The following PTPRN2 variants were observed in gnomAD, a reference collection of about 807,000 sequenced individuals.
PTPRN2 encodes the protein receptor-type tyrosine-protein phosphatase N2.
In PTPRN2, 74 loss-of-function variants were observed where a neutral mutation model predicts 118.8. The observed-to-expected ratio is 0.62, with a 90% CI of 0.52 to 0.76. PTPRN2 has a LOEUF of 0.76. PTPRN2 is among the 30% of genes least tolerant of loss of function. The probability of loss-of-function intolerance (pLI) is 0.00; values close to 1 mark genes in which losing one functional copy is unlikely to be tolerated. For synonymous variants in PTPRN2, 641 were observed against 608.0 expected (o/e 1.05, Z -0.80); for missense variants, 1,481 against 1,394.4 (o/e 1.06, Z -0.99).
intron 2 of PTPRN2, among the ~76,000 whole-genome samples, chr7:158,460,212 G>T (rs1350315299): frequency 8.0e-6 from 1 of 124,350 alleles, no homozygotes; most frequent in Non-Finnish European, 1.7e-5. Flanking sequence ...TGCAGGATGG[G>T]ACTCTATCTA....
chr7:157,725,233 G>C (rs1185831448), intron 12 of PTPRN2, among the ~76,000 whole-genome samples: 2 of 141,946 alleles, frequency 1.4e-5, no homozygotes, highest in Non-Finnish European at 3.0e-5. Flanking sequence ...CCTCCCAGGA[G>C]AACTGGATAT....
chr7:158,261,598 C>T (rs115292421), intron 3 of PTPRN2, among the ~76,000 whole-genome samples: 1 of 152,092 alleles, frequency 6.6e-6, no homozygotes, highest in Non-Finnish European at 1.5e-5. Flanking sequence ...CCATCCTGAG[C>T]CAGAATGTGG....
chr7:157,792,607 T>C (rs1804585082), intron 12 of PTPRN2, among the ~76,000 whole-genome samples: 2 of 152,328 alleles, frequency 1.3e-5, no homozygotes, highest in South Asian at 4.1e-4. Flanking sequence ...CAGTAGGACC[T>C]TGGGGAAGCT....
chr7:158,253,361 G>A (rs894995617), intron 3 of PTPRN2, among the ~76,000 whole-genome samples: 4 of 152,312 alleles, frequency 2.6e-5, no homozygotes, highest in African/African-American at 9.6e-5. Flanking sequence ...ATACACTTTC[G>A]CGTGTTTCTT....
intron 12 of PTPRN2, among the ~76,000 whole-genome samples, chr7:157,858,960 CT>C (rs1361502792): frequency 3.0e-3 from 3 of 998 alleles, no homozygotes. Flanking sequence ...CAGGGAGAGC[CT>C]CCCAGCCACC....
intron 11 of PTPRN2, among the ~76,000 whole-genome samples, chr7:158,004,606 C>T (rs1312830877): frequency 6.6e-6 from 1 of 152,188 alleles, no homozygotes; most frequent in African/African-American, 2.4e-5. Context: ...GTTTCATTTT[C>T]AGGATCTGAT....
intron 3 of PTPRN2, among the ~76,000 whole-genome samples, chr7:158,245,656 C>T (rs1796199030): frequency 6.6e-6 from 1 of 152,130 alleles, no homozygotes; most frequent in South Asian, 2.1e-4. Flanking sequence ...GGCAACTCTG[C>T]ACATCCAAAT....
intron 5 of PTPRN2, among the ~76,000 whole-genome samples, chr7:158,167,541 A>C (rs1260418287): frequency 6.6e-6 from 1 of 152,208 alleles, no homozygotes; most frequent in Non-Finnish European, 1.5e-5. Flanking sequence ...ATTATTTTTA[A>C]TATCAGCTTT....
chr7:158,242,505 G>T (rs2150859657), intron 3 of PTPRN2, among the ~76,000 whole-genome samples: 1 of 152,312 alleles, frequency 6.6e-6, no homozygotes, highest in African/African-American at 2.4e-5. Flanking sequence ...TCTTTCCCTG[G>T]AGTGTTTGTC....
chr7:158,244,561 T>TC, intron 3 of PTPRN2, among the ~76,000 whole-genome samples: 1 of 152,058 alleles, frequency 6.6e-6, no homozygotes, highest in African/African-American at 2.4e-5. Flanking sequence ...GTGTGTGTTT[T>TC]GTGTGAAAAT....
rs1800934434 is a variant in PTPRN2 at position 157,590,654 on chromosome 7, G to T, written c.2496+4584C>A. The stretch of plus-strand genomic sequence containing the variant: ...GAGGTGCTGTGGGCCCTGCGGGACG[G>T]GGAGCTGATGGGGCCTCGCGGTGCC... On this transcript the variant is annotated intron_variant, in intron 17 of 22. Coordinates refer to ENST00000389418, the MANE Select transcript of PTPRN2 (RefSeq NM_002847.5). The surrounding 1 kb of genome is among the most constrained non-coding windows in gnomAD (Gnocchi z 4.0). Among the ~76,000 whole-genome samples the T allele has an allele frequency of 6.6e-6, 1 of 151,562 alleles. No homozygotes were observed. Among genetic ancestry groups the T allele is most frequent in the African/African-American group, 2.4e-5 (1 of 41,438 alleles).
chr7:158,104,248 G>C (rs1563439506), intron 10 of PTPRN2, among the ~76,000 whole-genome samples: 2 of 152,322 alleles, frequency 1.3e-5, no homozygotes, highest in Non-Finnish European at 2.9e-5. Context: ...CCCCAGAGCA[G>C]TCTGAGGCAT....
chr7:157,905,035 C>T (rs933728260), intron 11 of PTPRN2, among the ~76,000 whole-genome samples: 1 of 152,222 alleles, frequency 6.6e-6, no homozygotes, highest in African/African-American at 2.4e-5. Context: ...CGTGGATTCC[C>T]TTTTCCACAC....
intron 2 of PTPRN2, among the ~76,000 whole-genome samples, chr7:158,353,348 G>T (rs1436452425): frequency 1.3e-5 from 2 of 152,228 alleles, no homozygotes; most frequent in African/African-American, 4.8e-5. Context: ...ATGTAAACAA[G>T]TCCTAAAACT....
chr7:157,566,869 G>C (rs4716758), intron 21 of PTPRN2, among the ~76,000 whole-genome samples: 61,320 of 152,114 alleles, frequency 0.4, 13,194 homozygotes, highest in Middle Eastern at 0.61. Context: ...ACGCACGCTG[G>C]GGTCACCTGC....
intron 3 of PTPRN2, among the ~76,000 whole-genome samples, chr7:158,298,462 A>T (rs1404347304): frequency 2.0e-5 from 3 of 152,234 alleles, no homozygotes; most frequent in Admixed American, 6.5e-5. Flanking sequence ...ACAGGACCCA[A>T]GTCGAAACAT....
chr7:158,331,948 C>A (rs1239071868), intron 2 of PTPRN2, among the ~76,000 whole-genome samples: 1 of 151,028 alleles, frequency 6.6e-6, no homozygotes, highest in Non-Finnish European at 1.5e-5. Context: ...CACTCACACT[C>A]CCACGATAAG....
intron 11 of PTPRN2, among the ~76,000 whole-genome samples, chr7:157,931,424 C>T (rs1799352229): frequency 2.0e-5 from 3 of 152,186 alleles, no homozygotes. Context: ...CTGAGCAGAG[C>T]CGTCAGCACA....
chr7:157,815,744 AC>A lies in PTPRN2; in HGVS notation c.1788+82928del, dbSNP rs1435907013. On this transcript the variant is annotated intron_variant, in intron 12 of 22. Transcript: ENST00000389418. Reference sequence around the variant, plus strand: ...AGCTGTAGAGATCCTGGGACAGACCACCCTTACAGCCTGCCATGAGCTGGGG... The same window carrying A: ...AGCTGTAGAGATCCTGGGACAGACCACCTTACAGCCTGCCATGAGCTGGGG... 2.6e-5 allele frequency among the ~76,000 whole-genome samples: 4 copies of A among 152,098 alleles called. No homozygotes were observed. The South Asian group carries it at 6.2e-4, about 24-fold the overall frequency.
Sources: gnomAD v4.1 joint callset for allele counts (sites outside exome capture counted in the v4.1 genomes callset) on GRCh38, gnomAD v4.1.1 for gene constraint, Gnocchi (gnomAD v3.1) non-coding constraint, MANE v1.5 for transcripts, NCBI Gene and HGNC (gene_info 2026-07-23, HGNC 2026-07-21) for gene names.